ZFAT: variants seen among roughly 807,000 people sequenced by gnomAD.
ZFAT encodes zinc finger and AT-hook domain containing.
ZFAT carries 64 observed loss-of-function variants against 117.7 expected under a neutral mutation model. The observed-to-expected ratio is 0.54, with a 90% CI of 0.44 to 0.67. ZFAT has a LOEUF of 0.67. ZFAT is among the 30% of genes least tolerant of loss of function. The pLI, the probability that ZFAT is intolerant of heterozygous loss-of-function variation, is 0.00. For missense variants in ZFAT, 1,433 were observed against 1,584.5 expected (o/e 0.90, Z 1.62); for synonymous variants, 679 against 615.0 (o/e 1.10, Z -1.54).
chr8:134,498,342 C>T (rs1356979110), intron 15 of ZFAT, among the ~76,000 whole-genome samples: 72 of 143,874 alleles, frequency 5.0e-4, no homozygotes, highest in African/African-American at 1.8e-3. Context: ...GGGATGCCCC[C>T]GTTGCTGGTT....
the ZFAT span, among the ~76,000 whole-genome samples, chr8:134,721,795 G>A: frequency 6.6e-6 from 1 of 152,150 alleles, no homozygotes; most frequent in Admixed American, 6.5e-5. Context: ...CTCTTGAACA[G>A]GGGACTCCTG....
intron 3 of ZFAT, among the ~76,000 whole-genome samples, chr8:134,626,190 T>A (rs1400117166): frequency 1.3e-5 from 2 of 152,128 alleles, no homozygotes; most frequent in African/African-American, 4.8e-5. Flanking sequence ...ATCTGACATG[T>A]CTCTCAGGAA....
At chr8:134,790,474 G>T in the ZFAT span, among the ~76,000 whole-genome samples, 1 of 152,118 alleles carries the variant, frequency 6.6e-6, no homozygotes, top group Non-Finnish European at 1.5e-5. Context: ...CCGTTAGGGG[G>T]TAATTTGGCA....
intron 12 of ZFAT, among the ~76,000 whole-genome samples, chr8:134,522,721 A>G (rs1282984384): frequency 1.3e-5 from 2 of 152,198 alleles, no homozygotes; most frequent in East Asian, 3.8e-4. Context: ...TGCTGAGACA[A>G]ATCACAAAGC....
the ZFAT span, among the ~76,000 whole-genome samples, chr8:134,742,578 C>T: frequency 6.6e-6 from 1 of 152,204 alleles, no homozygotes; most frequent in Admixed American, 6.5e-5. Context: ...CTTCCCAGGA[C>T]CTGGCTCCCA....
At chr8:134,607,448 T>C (rs752433431) in intron 5 of ZFAT, among the ~76,000 whole-genome samples, 1 of 152,228 alleles carries the variant, frequency 6.6e-6, no homozygotes, top group Non-Finnish European at 1.5e-5. Flanking sequence ...TAAACTAAAA[T>C]TCTATTAGAC....
intron 15 of ZFAT, among the ~76,000 whole-genome samples, chr8:134,486,803 A>G (rs1817686389): frequency 6.6e-6 from 1 of 152,168 alleles, no homozygotes; most frequent in South Asian, 2.1e-4. Context: ...GGCATGGGAG[A>G]GGCAATGATG....
At chr8:134,575,561 T>C (rs966292982) in intron 10 of ZFAT, among the ~76,000 whole-genome samples, 2 of 150,476 alleles carry the variant, frequency 1.3e-5, no homozygotes, top group African/African-American at 4.9e-5. Flanking sequence ...ACATCTGTGT[T>C]GATCTAGGTC....
intron 3 of ZFAT, among the ~76,000 whole-genome samples, chr8:134,633,774 G>A (rs1185290153): frequency 6.6e-6 from 1 of 152,248 alleles, no homozygotes; most frequent in Non-Finnish European, 1.5e-5. Context: ...GCCAGGCACA[G>A]TGGCTCATAC....
chr8:134,652,580 G>A (rs569708514), intron 2 of ZFAT, among the ~76,000 whole-genome samples: 197 of 152,268 alleles, frequency 1.3e-3, no homozygotes, highest in Non-Finnish European at 2.5e-3. Flanking sequence ...TCTATACAAA[G>A]AGCTCCTACA....
intron 11 of ZFAT, among the ~76,000 whole-genome samples, chr8:134,564,650 T>TCCATGTGTG (rs529216257): frequency 5.3e-5 from 8 of 152,232 alleles, no homozygotes; most frequent in African/African-American, 1.4e-4. Flanking sequence ...ATGATTCCTT[T>TCCATGTGTG]CCATGTGTGC....
chr8:134,776,145 C>T, the ZFAT span, among the ~76,000 whole-genome samples: 1 of 152,224 alleles, frequency 6.6e-6, no homozygotes, highest in African/African-American at 2.4e-5. Flanking sequence ...ATCTGATTCA[C>T]ATGATGAACA....
intron 11 of ZFAT, among the ~76,000 whole-genome samples, chr8:134,552,749 T>A (rs915743915): frequency 2.6e-5 from 4 of 152,210 alleles, no homozygotes; most frequent in African/African-American, 9.6e-5. Context: ...AGAGGGTTAT[T>A]CTGTTTCAGA....
chr8:134,660,448 G>C (rs1382478196), intron 1 of ZFAT, among the ~76,000 whole-genome samples: 1 of 152,234 alleles, frequency 6.6e-6, no homozygotes, highest in African/African-American at 2.4e-5. Context: ...CCATTGAGCA[G>C]TAACCACAGG....
intron 11 of ZFAT, 77 bp from the exon 12 acceptor site, chr8:134,533,049 C>T: frequency 6.5e-7 from 1 of 1,529,638 alleles, no homozygotes. Flanking sequence ...ACCTGGTGAG[C>T]ATCTGACACC....
intron 2 of ZFAT, among the ~76,000 whole-genome samples, chr8:134,652,399 C>T (rs1831298494): frequency 6.6e-6 from 1 of 152,168 alleles, no homozygotes; most frequent in East Asian, 1.9e-4. Context: ...GAAAAAAACT[C>T]ATCCATGGAT....
intron 3 of ZFAT, among the ~76,000 whole-genome samples, chr8:134,627,641 G>A (rs1829604467): frequency 6.6e-6 from 1 of 152,122 alleles, no homozygotes; most frequent in East Asian, 1.9e-4. Flanking sequence ...CAAATGCAAG[G>A]TATAAAATAA....
upstream of ZFAT, among the ~76,000 whole-genome samples, chr8:134,714,331 C>A (rs1235268291): frequency 6.6e-6 from 1 of 152,216 alleles, no homozygotes; most frequent in Non-Finnish European, 1.5e-5. Flanking sequence ...AGCTCCATCC[C>A]CCACTTCTCT....
the ZFAT span, among the ~76,000 whole-genome samples, chr8:134,780,922 C>T: frequency 3.7e-3 from 559 of 152,232 alleles, 1 homozygote; most frequent in Non-Finnish European, 6.4e-3. Flanking sequence ...TTTCCCTTTG[C>T]AATTATAATT....
Sources: gnomAD v4.1 joint callset for allele counts (sites outside exome capture counted in the v4.1 genomes callset) on GRCh38, gnomAD v4.1.1 for gene constraint, MANE v1.5 for transcripts, NCBI Gene and HGNC (gene_info 2026-07-23, HGNC 2026-07-21) for gene names.